The following RBFOX1 variants were observed in gnomAD, a reference collection of about 807,000 sequenced individuals.
The protein encoded by RBFOX1 is RNA binding protein fox-1 homolog 1.
A neutral mutation model predicts 57.7 loss-of-function variants in RBFOX1; 8 were observed. That is an observed-to-expected ratio of 0.14 (90% confidence interval 0.08 to 0.25). The LOEUF (loss-of-function observed/expected upper bound fraction) is 0.25, where lower values mean the gene tolerates loss of function less well. Among genes scored for constraint, RBFOX1 ranks in the 10% least tolerant of loss-of-function variants. RBFOX1 has a pLI of 1.00. For synonymous variants in RBFOX1, 326 were observed against 222.4 expected (o/e 1.47, Z -4.15); for missense variants, 611 against 548.5 (o/e 1.11, Z -1.14).
At chr16:6,483,336 GCGGT>G in intron 2 of RBFOX1, 1 of 1,473,438 alleles carries the variant, frequency 6.8e-7, no homozygotes, top group Non-Finnish European at 9.0e-7. Flanking sequence ...GCACCTGCTG[GCGGT>G]CGTGCCAGGC....
intron 10 of RBFOX1, among the ~76,000 whole-genome samples, chr16:7,624,930 G>A (rs927585422): frequency 6.6e-6 from 1 of 152,138 alleles, no homozygotes; most frequent in Non-Finnish European, 1.5e-5. Context: ...AGCGAAAAGT[G>A]TAATAGGCAA....
At chr16:5,597,987 G>A (rs1309391037) in intron 2 of RBFOX1, among the ~76,000 whole-genome samples, 2 of 152,140 alleles carry the variant, frequency 1.3e-5, no homozygotes, top group African/African-American at 4.8e-5. Context: ...TAAGGATTCA[G>A]GGTGAAAATG....
Position 6,456,561 on chromosome 16 carries a change from A to G in RBFOX1, c.-64+139504A>G, listed in dbSNP as rs117953842. 7.0e-3 allele frequency among the ~76,000 whole-genome samples: 1,060 copies of G among 152,302 alleles called. 11 individuals are homozygous for G. The highest frequency in any genetic ancestry group is 0.023 in the African/African-American group (966 of 41,566). ...GAGTTTAGCTTTTACTTTAAGGACA[A>G]TTGGGAACCATTGAAGTGGATCAAA... On this transcript the variant is annotated intron_variant, in intron 2 of 15. Transcript: ENST00000550418.
intron 1 of RBFOX1, among the ~76,000 whole-genome samples, chr16:5,466,064 A>G (rs1267982359): frequency 6.6e-6 from 1 of 152,210 alleles, no homozygotes; most frequent in East Asian, 1.9e-4. Flanking sequence ...GAAAGGTCTG[A>G]CGTTTTGACA....
rs571168494 is a variant in RBFOX1 at position 7,203,293 on chromosome 16, A to G, written c.27+151195A>G. Among the ~76,000 whole-genome samples the G allele has an allele frequency of 2.6e-5, 4 of 152,324 alleles. No homozygotes were observed. The East Asian group carries it at 5.8e-4, about 22-fold the overall frequency. Reference sequence around the variant, plus strand: ...CTAAGTAAAATAAGCCAGTCACAAAAACACACGCACTGTATAATTCCACTC... The same window carrying G: ...CTAAGTAAAATAAGCCAGTCACAAAGACACACGCACTGTATAATTCCACTC... On this transcript the variant is annotated intron_variant, in intron 4 of 15. Transcript: ENST00000550418.
chr16:6,593,190 C>G (rs1285047591), intron 2 of RBFOX1, among the ~76,000 whole-genome samples: 1 of 152,008 alleles, frequency 6.6e-6, no homozygotes, highest in African/African-American at 2.4e-5. Context: ...GAAACTCTGT[C>G]TCATAAAATA....
At chr16:6,947,719 T>C (rs1315699193) in intron 3 of RBFOX1, among the ~76,000 whole-genome samples, 1 of 152,230 alleles carries the variant, frequency 6.6e-6, no homozygotes, top group African/African-American at 2.4e-5. Flanking sequence ...AATCTATTTA[T>C]AAACGTTTAC....
chr16:6,811,071 G>A (rs1381673844), intron 3 of RBFOX1, among the ~76,000 whole-genome samples: 3 of 152,178 alleles, frequency 2.0e-5, no homozygotes, highest in African/African-American at 7.2e-5. Flanking sequence ...ACACACCTGG[G>A]TATTTCTTTC....
intron 1 of RBFOX1, among the ~76,000 whole-genome samples, chr16:6,021,943 C>T (rs1174639167): frequency 6.6e-6 from 1 of 152,184 alleles, no homozygotes; most frequent in Non-Finnish European, 1.5e-5. Flanking sequence ...CAAGTAGATT[C>T]CTCTAATTTT....
intron 3 of RBFOX1, among the ~76,000 whole-genome samples, chr16:5,617,659 G>C (rs1278814846): frequency 1.3e-5 from 2 of 152,210 alleles, no homozygotes; most frequent in African/African-American, 4.8e-5. Context: ...GTGAAAATGA[G>C]TTGTTTCTGA....
intron 2 of RBFOX1, among the ~76,000 whole-genome samples, chr16:6,525,072 A>G (rs1440706524): frequency 1.3e-5 from 2 of 152,178 alleles, no homozygotes; most frequent in African/African-American, 4.8e-5. Flanking sequence ...TGTACAGGAC[A>G]TTCCCTCCCT....
At chr16:6,390,606 T>C (rs572254537) in intron 2 of RBFOX1, among the ~76,000 whole-genome samples, 9 of 152,008 alleles carry the variant, frequency 5.9e-5, no homozygotes, top group African/African-American at 2.2e-4. Context: ...TTAAATTAAA[T>C]AAAATAAACT....
chr16:5,982,476 A>T (rs1349890562), intron 4 of RBFOX1, among the ~76,000 whole-genome samples: 11 of 152,056 alleles, frequency 7.2e-5, no homozygotes, highest in Non-Finnish European at 1.5e-5. Flanking sequence ...GGGTTTCGCC[A>T]TGTTGGTCAG....
In RBFOX1 at chr16:6,497,566, A is replaced by ATTTTT. The variant is rs766779443; in HGVS notation, c.-63-157037_-63-157036insTTTTT. ...ACACCGATTTTTGAAGTTTTTAAAA[A>ATTTTT]AAAAAAAAAAACAGAGTTTTGCTCT... is the stretch of plus-strand genomic sequence containing the variant. On this transcript the variant is annotated intron_variant, in intron 2 of 15. Transcript: ENST00000550418. Among the ~76,000 whole-genome samples, 411 of 140,504 alleles carry ATTTTT rather than the reference A, an allele frequency of 2.9e-3. 3 individuals carry two copies. The highest frequency in any genetic ancestry group is 9.8e-3 in the South Asian group (44 of 4,484). 92.2% of individuals were successfully genotyped at this position (140,504 alleles called of 152,430 possible). A position where few individuals can be genotyped will look rare whatever the true frequency, so the allele number is the denominator to read the frequency against.
chr16:5,665,778 G>A (rs771748742), intron 3 of RBFOX1, among the ~76,000 whole-genome samples: 13 of 152,210 alleles, frequency 8.5e-5, no homozygotes, highest in Non-Finnish European at 1.8e-4. Context: ...CTCACAGGGG[G>A]TTCGGGCACA....
intron 1 of RBFOX1, among the ~76,000 whole-genome samples, chr16:5,265,316 C>T (rs1221715348): frequency 6.7e-6 from 1 of 148,550 alleles, no homozygotes; most frequent in African/African-American, 2.5e-5. Context: ...CATGAACCAC[C>T]CTAACTCAAT....
chr16:5,852,193 G>T (rs948966005), intron 3 of RBFOX1, among the ~76,000 whole-genome samples: 3 of 152,034 alleles, frequency 2.0e-5, no homozygotes, highest in Non-Finnish European at 4.4e-5. Flanking sequence ...TTCCAAGATC[G>T]TGCCTTCAAG....
intron 1 of RBFOX1, among the ~76,000 whole-genome samples, chr16:6,181,600 A>T (rs1265866066): frequency 1.3e-5 from 2 of 152,148 alleles, no homozygotes; most frequent in Non-Finnish European, 2.9e-5. Context: ...CTTGTTTTAA[A>T]ACAGTAACCG....
At chr16:6,917,219 C>T (rs922798085) in intron 3 of RBFOX1, among the ~76,000 whole-genome samples, 3 of 152,152 alleles carry the variant, frequency 2.0e-5, no homozygotes, top group African/African-American at 4.8e-5. Flanking sequence ...TAGAAAATCT[C>T]AGTGGCCACC....
Sources: gnomAD v4.1 joint callset for allele counts (sites outside exome capture counted in the v4.1 genomes callset) on GRCh38, gnomAD v4.1.1 for gene constraint, MANE v1.5 for transcripts, NCBI Gene and HGNC (gene_info 2026-07-23, HGNC 2026-07-21) for gene names.